The following TTC34 variants were observed in gnomAD, a reference collection of about 807,000 sequenced individuals.
TTC34 encodes the protein tetratricopeptide repeat protein 34.
In TTC34, 44 loss-of-function variants were observed where a neutral mutation model predicts 40.7. The ratio of observed to expected loss-of-function variants is 1.08; its 90% CI spans 0.85 to 1.39. The LOEUF is 1.39. Ranked by LOEUF, TTC34 falls within the 40% of genes most tolerant of loss-of-function variation. TTC34 has a pLI of 0.00. For synonymous variants in TTC34, 422 were observed against 398.6 expected (o/e 1.06, Z -0.70); for missense variants, 884 against 838.0 (o/e 1.05, Z -0.68).
Position 2,645,705 on chromosome 1 carries a change from C to T in TTC34, c.2227-142G>A, listed in dbSNP as rs1027684444. On this transcript the variant is annotated intron_variant, in intron 6 of 8. Transcript: ENST00000401095. This position sits in a 1 kb window ranked among gnomAD's most constrained non-coding sequence, Gnocchi z 4.7. Reference sequence around the variant, plus strand: ...CCTAGAGGGTCTGAACACCCAGCTTCCTGCCCCTTCCTGCTTCTCTGTGGC... The same window carrying T: ...CCTAGAGGGTCTGAACACCCAGCTTTCTGCCCCTTCCTGCTTCTCTGTGGC... 5 of 755,548 alleles carry T rather than the reference C, an allele frequency of 6.6e-6. No individual in the cohort carries two copies. The African/African-American group carries it at 9.1e-5, about 14-fold the overall frequency. 46.8% of individuals were successfully genotyped at this position (755,548 alleles called of 1,614,324 possible).
chr1:2,749,096 C>T (rs1641235851), intron 6 of TTC34, among the ~76,000 whole-genome samples: 103 of 139,070 alleles, frequency 7.4e-4, no homozygotes, highest in African/African-American at 1.3e-3. Context: ...AGGCGAGCAT[C>T]CGACAGCCTG....
At chr1:2,686,643 C>G (rs1454857293) in intron 6 of TTC34, among the ~76,000 whole-genome samples, 2 of 150,034 alleles carry the variant, frequency 1.3e-5, no homozygotes, top group Admixed American at 6.6e-5. Context: ...CACCCACACA[C>G]CCAGGTGAGC....
intron 6 of TTC34, among the ~76,000 whole-genome samples, chr1:2,652,498 T>C (rs1639179040): frequency 1.3e-5 from 2 of 148,690 alleles, no homozygotes; most frequent in East Asian, 2.1e-4. Context: ...CAGGCGAGCA[T>C]CTGACGGCCT....
exon 2 of TTC34, chr1:2,800,154 C>T (rs555448269): frequency 1.4e-4 from 55 of 398,586 alleles, no homozygotes; most frequent in Non-Finnish European, 2.2e-4. Flanking sequence ...GGTGTCACTC[C>T]GGGTGCCCCT....
intron 6 of TTC34, among the ~76,000 whole-genome samples, chr1:2,685,784 G>T: frequency 6.7e-6 from 1 of 148,644 alleles, no homozygotes; most frequent in South Asian, 2.1e-4. Flanking sequence ...TGACAGCCTG[G>T]AACAGAACCC....
At chr1:2,641,544 C>T (rs1303871995) in exon 9 of TTC34, 1 of 1,533,900 alleles carries the variant, frequency 6.5e-7, no homozygotes, top group South Asian at 1.2e-5. Context: ...GCAGTGGGGG[C>T]CCGGCCTGGC....
intron 6 of TTC34, among the ~76,000 whole-genome samples, chr1:2,767,757 C>T (rs1022258041): frequency 1.4e-5 from 2 of 141,216 alleles, no homozygotes; most frequent in African/African-American, 5.2e-5. Context: ...AATAAAGCAG[C>T]ACCCTGCACC....
chr1:2,748,398 A>AGCCTGG (rs1641215895), intron 6 of TTC34, among the ~76,000 whole-genome samples: 1 of 149,672 alleles, frequency 6.7e-6, no homozygotes, highest in Admixed American at 6.6e-5. Context: ...CAACACTGAC[A>AGCCTGG]ACCCCAGGTG....
chr1:2,675,080 C>T (rs1287172120), intron 6 of TTC34, among the ~76,000 whole-genome samples: 5 of 100,354 alleles, frequency 5.0e-5, no homozygotes, highest in Admixed American at 2.1e-4. Context: ...AGTGCCCACA[C>T]ACCCAGGCGA....
At chr1:2,642,585 T>A (rs1570744047) in intron 8 of TTC34, among the ~76,000 whole-genome samples, 2 of 152,204 alleles carry the variant, frequency 1.3e-5, no homozygotes, top group South Asian at 4.2e-4. Context: ...TTTCACAGAG[T>A]CAACCACGAC....
chr1:2,642,381 A>C (rs1395895789), intron 8 of TTC34, among the ~76,000 whole-genome samples: 1 of 150,698 alleles, frequency 6.6e-6, no homozygotes, highest in African/African-American at 2.4e-5. Flanking sequence ...CAGCCCTTCC[A>C]CTCTGCCCAC....
intron 6 of TTC34, among the ~76,000 whole-genome samples, chr1:2,695,392 ATACCCC>A (rs1640815410): frequency 1.6e-4 from 15 of 91,088 alleles, no homozygotes; most frequent in Admixed American, 2.3e-4. Context: ...AGCAGCACCC[ATACCCC>A]CAGGTGAGCA....
intron 6 of TTC34, among the ~76,000 whole-genome samples, chr1:2,653,324 A>AGCATGTTAGAG (rs1557586216): frequency 5.2e-5 from 1 of 19,096 alleles, no homozygotes; most frequent in Non-Finnish European, 1.7e-4. Context: ...AACAGCACAC[A>AGCATGTTAGAG]CACCCCCAGG....
chr1:2,640,287 T>A (rs933442502), exon 9 of TTC34: 1 of 152,204 alleles, frequency 6.6e-6, no homozygotes, highest in Non-Finnish European at 1.5e-5. Context: ...TCTGTGACAC[T>A]CACAGTGATG....
At chr1:2,756,432 GGTGA>G (rs1641507858) in intron 6 of TTC34, among the ~76,000 whole-genome samples, 5 of 131,262 alleles carry the variant, frequency 3.8e-5, no homozygotes, top group Non-Finnish European at 8.0e-5. Context: ...CACACCCCCA[GGTGA>G]GCATCTGACA....
rs1641473076 is a variant in TTC34, at chr1:2,755,466, AG to A, written c.2226+28142del. 3.1e-5 allele frequency among the ~76,000 whole-genome samples: 2 copies of A among 63,868 alleles called. 1 individual carries two copies. Among genetic ancestry groups the A allele is most frequent in the Non-Finnish European group, 5.2e-5 (2 of 38,158 alleles). The allele number at this position is 63,868 out of a possible 152,430, so 41.9% of individuals were successfully genotyped here. On this transcript the variant is annotated intron_variant, in intron 6 of 8. Transcript: ENST00000401095. ...AGCCTGGAGCAGGACCCACACCCCC[AG>A]GTGAACATCCGACATCGTGGAGTAG...
rs1246454023 is a variant in TTC34 at position 2,682,029 on chromosome 1, C to A, written c.2227-36466G>T. On this transcript the variant is annotated intron_variant, in intron 6 of 8. Transcript: ENST00000401095. ...CAGCCTGGAACAACACCCATACCCA[C>A]AGGTGAGCATCTGACATTGTGGAGC... Among the ~76,000 whole-genome samples, 5 of 123,424 alleles carry A rather than the reference C, an allele frequency of 4.1e-5. 1 individual carries two copies. The highest frequency in any genetic ancestry group is 1.6e-4 in the African/African-American group (5 of 30,890). The allele number at this position is 123,424 out of a possible 152,430, so 81.0% of individuals were successfully genotyped here.
At chr1:2,686,734 C>T (rs1420863630) in intron 6 of TTC34, among the ~76,000 whole-genome samples, 5 of 124,812 alleles carry the variant, frequency 4.0e-5, no homozygotes, top group Admixed American at 9.1e-5. Flanking sequence ...CCCAGGCGAG[C>T]ATCTGACAGC....
At chr1:2,798,525 A>G (rs28970548) in intron 2 of TTC34, among the ~76,000 whole-genome samples, 56,937 of 57,168 alleles carry the variant, frequency 1, 28,363 homozygotes, top group Middle Eastern at 1. Context: ...AAACCTCCCA[A>G]CCTCTCAGCC....
Sources: allele counts gnomAD v4.1 joint callset (sites outside exome capture counted in the v4.1 genomes callset), GRCh38; gene constraint gnomAD v4.1.1; non-coding constraint Gnocchi (gnomAD v3.1); transcripts MANE v1.5; gene names NCBI Gene and HGNC (gene_info 2026-07-23, HGNC 2026-07-21).